Variants in MECOM observed in about 807,000 individuals in gnomAD.
MECOM encodes MDS1 and EVI1 complex locus.
Under a neutral mutation model 116.3 loss-of-function variants are expected in MECOM, and 13 were observed. The ratio of observed to expected loss-of-function variants is 0.11; its 90% CI spans 0.07 to 0.18. The LOEUF (loss-of-function observed/expected upper bound fraction) is 0.18. Ranked by LOEUF, MECOM falls within the 10% of genes least tolerant of loss-of-function variation. The probability of loss-of-function intolerance (pLI) is 1.00; values close to 1 mark genes in which losing one functional copy is unlikely to be tolerated. For missense variants in MECOM, 1,299 were observed against 1,509.0 expected, an observed-to-expected ratio of 0.86 and a Z score of 2.31; for synonymous variants, 528 against 535.2, an observed-to-expected ratio of 0.99 and a Z score of 0.19.
intron 2 of MECOM, among the ~76,000 whole-genome samples, chr3:169,285,267 C>T (rs564328628): frequency 1.3e-5 from 2 of 152,272 alleles, no homozygotes; most frequent in Non-Finnish European, 2.9e-5. Context: ...GCTGCAGACG[C>T]TCTGCAGCCC....
At chr3:169,248,391 A>G (rs1755846563) in intron 2 of MECOM, among the ~76,000 whole-genome samples, 1 of 152,226 alleles carries the variant, frequency 6.6e-6, no homozygotes. Context: ...TCATCAAATA[A>G]AATGGAAAAC....
intron 3 of MECOM, among the ~76,000 whole-genome samples, chr3:169,141,015 C>T (rs1737940146): frequency 6.6e-6 from 1 of 151,970 alleles, no homozygotes; most frequent in Non-Finnish European, 1.5e-5. Context: ...ATGGCTCCTC[C>T]ATATCATTAA....
At chr3:169,412,702 G>C (rs532145627) in intron 1 of MECOM, among the ~76,000 whole-genome samples, 63 of 152,268 alleles carry the variant, frequency 4.1e-4, no homozygotes, top group Non-Finnish European at 7.9e-4. Flanking sequence ...GGAAAAATTT[G>C]AGTCAGGTGT....
intron 1 of MECOM, among the ~76,000 whole-genome samples, chr3:169,459,816 A>C (rs1747126011): frequency 6.6e-6 from 1 of 152,108 alleles, no homozygotes; most frequent in South Asian, 2.1e-4. Context: ...TTGGATTCTT[A>C]TAGTTTCTGA....
At chr3:169,397,259 C>T (rs569943889) in intron 1 of MECOM, among the ~76,000 whole-genome samples, 5 of 152,318 alleles carry the variant, frequency 3.3e-5, no homozygotes, top group African/African-American at 1.2e-4. Context: ...TGAGCTAATT[C>T]CGCAACACTC....
intron 2 of MECOM, among the ~76,000 whole-genome samples, chr3:169,329,761 G>A (rs1722432125): frequency 6.6e-6 from 1 of 152,210 alleles, no homozygotes; most frequent in African/African-American, 2.4e-5. Flanking sequence ...TCTGGATACA[G>A]GGGAAACTGT....
intron 2 of MECOM, among the ~76,000 whole-genome samples, chr3:169,315,650 T>C (rs1343688355): frequency 1.3e-5 from 2 of 152,162 alleles, no homozygotes; most frequent in African/African-American, 2.4e-5. Flanking sequence ...CCAGCCTCAA[T>C]AGTAATCAGT....
rs533960492 is a variant in MECOM, at chr3:169,619,223, C to A, written c.37+44113G>T. Among the ~76,000 whole-genome samples the A allele has an allele frequency of 7.9e-5, 12 of 152,308 alleles. No homozygotes were observed. In the East Asian group the frequency reaches 2.1e-3, roughly 27 times the overall value. ...CTCACTCCGGGTGCACCGGCCGCAG[C>A]GCATCCCCAGTCGGGCTGGATATTT... On this transcript the variant is annotated intron_variant, in intron 1 of 16. Transcript: ENST00000651503.
At chr3:169,298,380 A>G (rs1002790534) in intron 2 of MECOM, among the ~76,000 whole-genome samples, 7 of 151,956 alleles carry the variant, frequency 4.6e-5, no homozygotes, top group African/African-American at 1.7e-4. Context: ...TGTATATTAA[A>G]TGTTATCAAT....
chr3:169,516,500 T>G (rs1756646465), intron 1 of MECOM, among the ~76,000 whole-genome samples: 1 of 152,162 alleles, frequency 6.6e-6, no homozygotes, highest in African/African-American at 2.4e-5. Context: ...TAAAAGAATG[T>G]TCTTTTTTTT....
chr3:169,598,653 G>C (rs957402640), intron 1 of MECOM, among the ~76,000 whole-genome samples: 2 of 152,188 alleles, frequency 1.3e-5, no homozygotes, highest in Non-Finnish European at 2.9e-5. Context: ...TTCATAAAGG[G>C]GGGTAATGAT....
intron 2 of MECOM, among the ~76,000 whole-genome samples, chr3:169,244,013 G>T (rs1330879008): frequency 2.6e-5 from 4 of 152,172 alleles, no homozygotes; most frequent in African/African-American, 9.7e-5. Flanking sequence ...CCTTCATTAT[G>T]ATGTGGGATA....
chr3:169,564,388 T>G, intron 1 of MECOM, among the ~76,000 whole-genome samples: 1 of 152,128 alleles, frequency 6.6e-6, no homozygotes, highest in Non-Finnish European at 1.5e-5. Flanking sequence ...AAAAAAGTAG[T>G]AAAAGCCCTG....
intron 1 of MECOM, among the ~76,000 whole-genome samples, chr3:169,392,639 G>C (rs1734395746): frequency 6.6e-6 from 1 of 152,106 alleles, no homozygotes; most frequent in Non-Finnish European, 1.5e-5. Flanking sequence ...TAACGTATGT[G>C]ACAATGAAAT....
Position 169,223,437 on chromosome 3 carries a change from C to A in MECOM, c.376-79605G>T, listed in dbSNP as rs185954515. Among the ~76,000 whole-genome samples the A allele has an allele frequency of 1.4e-3, 218 of 151,930 alleles. 2 individuals carry two copies. The highest frequency in any genetic ancestry group is 5.1e-3 in the Admixed American group (78 of 15,266). ...TGCTCAGAATGATGGTTTCTAGCTT[C>A]ATCCATGTCCCTACAAAGGACATGA... On this transcript the variant is annotated intron_variant, in intron 2 of 16. Transcript: ENST00000651503.
At chr3:169,504,475 A>G (rs528145027) in intron 1 of MECOM, among the ~76,000 whole-genome samples, 2 of 152,300 alleles carry the variant, frequency 1.3e-5, no homozygotes, top group South Asian at 2.1e-4. Flanking sequence ...TAATATCTTG[A>G]AAGTTTACGT....
chr3:169,529,136 A>T (rs1245523489), intron 1 of MECOM, among the ~76,000 whole-genome samples: 1 of 152,192 alleles, frequency 6.6e-6, no homozygotes, highest in African/African-American at 2.4e-5. Context: ...CTGAATCCAG[A>T]CACCACTTCA....
intron 2 of MECOM, among the ~76,000 whole-genome samples, chr3:169,292,257 C>A (rs566302085): frequency 1.8e-3 from 267 of 152,122 alleles, no homozygotes; most frequent in African/African-American, 5.9e-3. Flanking sequence ...TCATTTGAAC[C>A]CAGGAGGCAG....
At chr3:169,308,844 T>A (rs1335583955) in intron 2 of MECOM, among the ~76,000 whole-genome samples, 1 of 152,204 alleles carries the variant, frequency 6.6e-6, no homozygotes, top group Non-Finnish European at 1.5e-5. Context: ...AAAAGACACG[T>A]CTTCCTTCTC....
Sources: allele counts gnomAD v4.1 joint callset (sites outside exome capture counted in the v4.1 genomes callset), GRCh38; gene constraint gnomAD v4.1.1; transcripts MANE v1.5; gene names NCBI Gene and HGNC (gene_info 2026-07-23, HGNC 2026-07-21).